The following ADGRB3 variants were observed in gnomAD, a reference collection of about 807,000 sequenced individuals.
The protein encoded by ADGRB3 is brain-specific angiogenesis inhibitor 3.
A neutral mutation model predicts 193.4 loss-of-function variants in ADGRB3; 37 were observed. The ratio of observed to expected loss-of-function variants is 0.19; its 90% CI spans 0.15 to 0.25. The LOEUF is 0.25. ADGRB3 is among the 10% of genes least tolerant of loss of function. ADGRB3 has a pLI of 1.00. For synonymous variants in ADGRB3, 690 were observed against 644.2 expected (o/e 1.07, Z -1.08); for missense variants, 1,637 against 1,852.9 (o/e 0.88, Z 2.14).
chr6:69,125,052 G>C (rs1198733868), intron 17 of ADGRB3, among the ~76,000 whole-genome samples: 1 of 152,090 alleles, frequency 6.6e-6, no homozygotes, highest in Non-Finnish European at 1.5e-5. Context: ...AATCACTGCA[G>C]GGTCTACATC....
rs182432528 is a variant in ADGRB3, at chr6:69,384,512, A to G, written c.4380+1577A>G. ...AGGAGAGGGTTATATTTACAAATCT[A>G]AAAGTCTTATGCAACAGATACAGCT... is the stretch of plus-strand genomic sequence containing the variant. On this transcript the variant is annotated intron_variant, in intron 31 of 31. Coordinates refer to ENST00000370598, the MANE Select transcript of ADGRB3 (RefSeq NM_001704.3). Among the ~76,000 whole-genome samples, 5 of 152,200 alleles carry G rather than the reference A, an allele frequency of 3.3e-5. No individual in the cohort carries two copies. The East Asian group carries it at 5.8e-4, about 18-fold the overall frequency.
At chr6:68,772,891 A>AC (rs1562023303) in intron 3 of ADGRB3, among the ~76,000 whole-genome samples, 766 of 35,852 alleles carry the variant, frequency 0.021, 55 homozygotes, top group African/African-American at 0.12. Flanking sequence ...ACAAAAAAAA[A>AC]AAAATATATA....
rs375380152 is a variant in ADGRB3, at chr6:69,361,039, T to G, written c.3766T>G (p.Leu1256Val). The G allele has an allele frequency of 2.5e-6, 4 of 1,612,840 alleles. No individual in the cohort carries two copies. In the South Asian group the frequency reaches 3.3e-5, roughly 13 times the overall value. The change falls in exon 29 of 32, where the codon TTG becomes GTG. Residue 1256 changes from leucine (L) to valine (V), a missense_variant. Physicochemically the swap from Leu to Val is conservative, Grantham distance 32 (BLOSUM62 1). Around this residue, in one of 7 missense-constraint regions of ADGRB3, gnomAD observed 368 missense variants for 367.4 expected, o/e 1.00. Transcript: ENST00000370598. ...SKVIIQQPTGLHMPMSMNELS... is the reference protein window; with the variant it reads ...SKVIIQQPTGVHMPMSMNELS... The stretch of plus-strand genomic sequence containing the variant: ...AGTCATCATCCAGCAACCCACAGGT[T>G]TGCACATGCCCATGAGTATGAATGA...
At position 69,388,991 on chromosome 6, in the gene ADGRB3, T is replaced by C. The variant is rs1157781042; in HGVS notation, c.*100T>C. The C allele has an allele frequency of 8.3e-7, 1 of 1,209,868 alleles. No individual in the cohort carries two copies. The highest frequency in any genetic ancestry group is 1.5e-5 in the African/African-American group (1 of 65,002). The allele number at this position is 1,209,868 out of a possible 1,614,324, so 74.9% of individuals were successfully genotyped here. A position where few individuals can be genotyped will look rare whatever the true frequency, so the allele number is the denominator to read the frequency against. On this transcript the variant is annotated 3_prime_UTR_variant, in exon 32 of 32. Transcript: ENST00000370598. The stretch of plus-strand genomic sequence containing the variant: ...CTATCTGGACAGTGTGACTATCTTA[T>C]GTCAGGACCTTCATGTGCCAAACGT...
intron 13 of ADGRB3, among the ~76,000 whole-genome samples, chr6:69,020,243 C>T (rs1770224140): frequency 1.3e-5 from 2 of 152,034 alleles, no homozygotes; most frequent in South Asian, 2.1e-4. Context: ...GGCATTTGTG[C>T]AGAATGTGTT....
intron 13 of ADGRB3, among the ~76,000 whole-genome samples, chr6:69,030,863 CTG>C (rs1188035431): frequency 6.7e-6 from 1 of 150,238 alleles, no homozygotes; most frequent in East Asian, 1.9e-4. Flanking sequence ...TCTTCTCTCT[CTG>C]TCTCTCTCTC....
intron 3 of ADGRB3, among the ~76,000 whole-genome samples, chr6:68,707,368 C>T (rs1017121549): frequency 3.3e-5 from 5 of 152,172 alleles, no homozygotes; most frequent in Middle Eastern, 3.4e-3. Context: ...TAAGAAACTC[C>T]TTTTCGGCAA....
intron 3 of ADGRB3, among the ~76,000 whole-genome samples, chr6:68,882,940 C>T (rs553337959): frequency 6.6e-6 from 1 of 151,998 alleles, no homozygotes; most frequent in Admixed American, 6.6e-5. Context: ...GTCGCCCAGG[C>T]TGGAGTGCAG....
chr6:68,838,004 T>C (rs1442112278), intron 3 of ADGRB3, among the ~76,000 whole-genome samples: 1 of 152,124 alleles, frequency 6.6e-6, no homozygotes, highest in Non-Finnish European at 1.5e-5. Context: ...ACACTTCTGT[T>C]TTCCTTTTTA....
Position 69,143,772 on chromosome 6 carries a change from T to A in ADGRB3, c.2480+67734T>A, listed in dbSNP as rs192477876. Among the ~76,000 whole-genome samples, 132 of 152,332 alleles carry A rather than the reference T, an allele frequency of 8.7e-4. 3 individuals are homozygous for A. Among genetic ancestry groups the A allele is most frequent in the Admixed American group, 7.3e-3 (111 of 15,306 alleles). On this transcript the variant is annotated intron_variant, in intron 17 of 31. Coordinates refer to ENST00000370598, the MANE Select transcript of ADGRB3 (RefSeq NM_001704.3). ...GTTTTAATACCAGTACCATGCTTTT[T>A]TGGTTACTATAGCTCCGTAGTATAA...
intron 17 of ADGRB3, among the ~76,000 whole-genome samples, chr6:69,197,373 C>T (rs1222189140): frequency 6.6e-6 from 1 of 151,386 alleles, no homozygotes; most frequent in Non-Finnish European, 1.5e-5. Flanking sequence ...TATGTTGGGG[C>T]CTAAATATTT....
intron 3 of ADGRB3, among the ~76,000 whole-genome samples, chr6:68,664,007 A>G (rs1768736672): frequency 6.6e-6 from 1 of 151,868 alleles, no homozygotes; most frequent in South Asian, 2.1e-4. Context: ...GCAAAATTGA[A>G]TTCAGAAATT....
At chr6:68,821,776 T>G (rs1767752315) in intron 3 of ADGRB3, among the ~76,000 whole-genome samples, 1 of 151,972 alleles carries the variant, frequency 6.6e-6, no homozygotes, top group South Asian at 2.1e-4. Flanking sequence ...TTAATTTATT[T>G]ACACATTTCT....
At chr6:69,287,988 T>C (rs1246686936) in intron 20 of ADGRB3, among the ~76,000 whole-genome samples, 1 of 152,206 alleles carries the variant, frequency 6.6e-6, no homozygotes, top group African/African-American at 2.4e-5. Context: ...CATTTTGTTT[T>C]GTTATGTGGG....
At chr6:69,178,761 A>G (rs1292835960) in intron 17 of ADGRB3, among the ~76,000 whole-genome samples, 1 of 152,222 alleles carries the variant, frequency 6.6e-6, no homozygotes, top group Non-Finnish European at 1.5e-5. Flanking sequence ...TTATTTAAGA[A>G]TACTGAAAAT....
At position 69,140,513 on chromosome 6, in the gene ADGRB3, C is replaced by T. The variant is rs532310904; in HGVS notation, c.2480+64475C>T. Among the ~76,000 whole-genome samples the T allele has an allele frequency of 7.2e-5, 11 of 151,750 alleles. No individual in the cohort carries two copies. In the East Asian group the frequency reaches 1.7e-3, roughly 24 times the overall value. On this transcript the variant is annotated intron_variant, in intron 17 of 31. Transcript: ENST00000370598. Reference sequence around the variant, plus strand: ...GAGAGCTGGGAGAGGTGGTGGTGGGCGCCAGGAGGAAGTGGGGTGGTTAAT... The same window carrying T: ...GAGAGCTGGGAGAGGTGGTGGTGGGTGCCAGGAGGAAGTGGGGTGGTTAAT...
At chr6:68,911,078 C>T (rs529223400) in intron 3 of ADGRB3, among the ~76,000 whole-genome samples, 21 of 152,108 alleles carry the variant, frequency 1.4e-4, no homozygotes, top group African/African-American at 4.6e-4. Flanking sequence ...CACCATGGAA[C>T]TATGCAGCCA....
intron 20 of ADGRB3, among the ~76,000 whole-genome samples, chr6:69,286,383 C>A (rs1004786854): frequency 6.6e-6 from 1 of 152,132 alleles, no homozygotes; most frequent in Non-Finnish European, 1.5e-5. Flanking sequence ...ATCCTGGGCC[C>A]TCTTGCTTTC....
chr6:68,651,627 A>G (rs1768368988), intron 3 of ADGRB3, among the ~76,000 whole-genome samples: 1 of 152,170 alleles, frequency 6.6e-6, no homozygotes, highest in Admixed American at 6.5e-5. Flanking sequence ...GGCAAAAGAA[A>G]TAAGTAAATG....
Sources: allele counts gnomAD v4.1 joint callset (sites outside exome capture counted in the v4.1 genomes callset), GRCh38; gene constraint gnomAD v4.1.1; regional missense constraint gnomAD v4.1.1; transcripts MANE v1.5; gene names NCBI Gene and HGNC (gene_info 2026-07-23, HGNC 2026-07-21).